The following MGST1 variants were observed in gnomAD, a reference collection of about 807,000 sequenced individuals.
The protein encoded by MGST1 is microsomal glutathione S-transferase 1.
In MGST1, 5 loss-of-function variants were observed where a neutral mutation model predicts 8.9. The ratio of observed to expected loss-of-function variants is 0.56; its 90% CI spans 0.29 to 1.19. The LOEUF (loss-of-function observed/expected upper bound fraction) is 1.19, where lower values mean the gene tolerates loss of function less well. Among genes scored for constraint, MGST1 ranks in the 50% most tolerant of loss-of-function variants. The pLI is 0.08. For synonymous variants in MGST1, 54 were observed against 67.8 expected, an observed-to-expected ratio of 0.80 and a Z score of 1.00; for missense variants, 182 against 187.4, an observed-to-expected ratio of 0.97 and a Z score of 0.17.
intron 1 of MGST1, among the ~76,000 whole-genome samples, chr12:16,387,220 C>A (rs1334526923): frequency 6.6e-5 from 10 of 152,086 alleles, no homozygotes; most frequent in African/African-American, 2.4e-4. Context: ...CACAGTCATG[C>A]ATTGCATAAT....
At chr12:16,552,723 A>T (rs1942036007) in intron 4 of MGST1, among the ~76,000 whole-genome samples, 1 of 152,102 alleles carries the variant, frequency 6.6e-6, no homozygotes, top group Admixed American at 6.5e-5. Flanking sequence ...CTATGCACTG[A>T]TCTTGAAATC....
chr12:16,385,838 TAC>T (rs1940500012), intron 1 of MGST1, among the ~76,000 whole-genome samples: 2 of 152,242 alleles, frequency 1.3e-5, no homozygotes, highest in South Asian at 4.1e-4. Flanking sequence ...TTTTAATACA[TAC>T]AGTTTCTTTT....
Position 16,362,119 on chromosome 12 carries a change from C to T in MGST1, c.222-1676C>T, listed in dbSNP as rs930660665. 2.0e-5 allele frequency among the ~76,000 whole-genome samples: 3 copies of T among 152,110 alleles called. No homozygotes were observed. Among genetic ancestry groups the T allele is most frequent in the African/African-American group, 4.8e-5 (2 of 41,410 alleles). ...CTAACGTGCCTAAGATTGGAGGTGA[C>T]GATATCTCTGTGATGCTGGGGGAGA... On this transcript the variant is annotated intron_variant, in intron 3 of 3. Transcript: ENST00000396210. The surrounding 1 kb of genome is among the most constrained non-coding windows in gnomAD (Gnocchi z 4.4).
intron 1 of MGST1, among the ~76,000 whole-genome samples, chr12:16,426,981 A>AT (rs1940896173): frequency 6.6e-6 from 1 of 151,850 alleles, no homozygotes; most frequent in African/African-American, 2.4e-5. Context: ...AAAAAAAAAA[A>AT]AAAAAAGCTG....
intron 3 of MGST1, among the ~76,000 whole-genome samples, chr12:16,359,764 C>T (rs2136972654): frequency 6.6e-6 from 1 of 152,236 alleles, no homozygotes; most frequent in African/African-American, 2.4e-5. Context: ...TAAAATTGCC[C>T]AGAACTGGAA....
chr12:16,490,036 A>C (rs1055081600), intron 4 of MGST1, among the ~76,000 whole-genome samples: 1 of 152,134 alleles, frequency 6.6e-6, no homozygotes, highest in Non-Finnish European at 1.5e-5. Flanking sequence ...CCTAGGTGGG[A>C]AAATCTCTTG....
chr12:16,489,093 G>C (rs543536626), intron 4 of MGST1, among the ~76,000 whole-genome samples: 97 of 152,110 alleles, frequency 6.4e-4, no homozygotes, highest in African/African-American at 2.3e-3. Context: ...CTGGGTGACA[G>C]AGCAAGATCA....
At chr12:16,367,881 G>A (rs1455393672), downstream of MGST1, among the ~76,000 whole-genome samples, 1 of 125,184 alleles carries the variant, frequency 8.0e-6, no homozygotes, top group Non-Finnish European at 1.5e-5. Context: ...GCTTGGATAG[G>A]TATAGTCAAT....
At chr12:16,440,727 G>T (rs1175747159), downstream of MGST1, among the ~76,000 whole-genome samples, 3 of 151,908 alleles carry the variant, frequency 2.0e-5, no homozygotes, top group South Asian at 4.1e-4. Flanking sequence ...ATTATTGTTT[G>T]TGGACTTTAT....
intron 1 of MGST1, among the ~76,000 whole-genome samples, chr12:16,350,160 A>G (rs538242997): frequency 3.9e-5 from 6 of 152,186 alleles, no homozygotes; most frequent in Middle Eastern, 3.4e-3. Context: ...AGTTACACTT[A>G]CTAAGTGGCA....
chr12:16,367,833 G>T (rs1051880015), downstream of MGST1, among the ~76,000 whole-genome samples: 3 of 142,584 alleles, frequency 2.1e-5, no homozygotes, highest in Non-Finnish European at 3.0e-5. Flanking sequence ...GACTAGCAAG[G>T]CCAAGTCTGA....
At position 16,354,274 on chromosome 12, in the gene MGST1, A is replaced by G. The variant is rs748769732; in HGVS notation, c.22A>G (p.Met8Val). Residue 8 changes from methionine (M) to valine (V), a missense_variant, in exon 2 of 4, where the codon ATG becomes GTG. Transcript: ENST00000396210. MVDLTQV[M>V]DDEVFMAFAS... Reference sequence around the variant, plus strand: ...AAAAATGGTTGACCTCACCCAGGTAATGGATGATGAAGTATTCATGGCTTT... The same window carrying G: ...AAAAATGGTTGACCTCACCCAGGTAGTGGATGATGAAGTATTCATGGCTTT... The G allele has an allele frequency of 1.9e-6, 3 of 1,602,658 alleles. No homozygotes were observed. Among genetic ancestry groups the G allele is most frequent in the South Asian group, 2.3e-5 (2 of 86,876 alleles).
intron 1 of MGST1, among the ~76,000 whole-genome samples, chr12:16,387,313 T>G (rs559056646): frequency 6.6e-6 from 1 of 152,260 alleles, no homozygotes; most frequent in East Asian, 1.9e-4. Flanking sequence ...TATCACCTAG[T>G]GATGTCATAG....
intron 4 of MGST1, among the ~76,000 whole-genome samples, chr12:16,523,500 T>C (rs1273203340): frequency 6.6e-6 from 1 of 152,078 alleles, no homozygotes; most frequent in Non-Finnish European, 1.5e-5. Flanking sequence ...CACAGTGCAA[T>C]CACTGATGTA....
At chr12:16,381,573 T>A (rs1327449457), downstream of MGST1, among the ~76,000 whole-genome samples, 1 of 152,214 alleles carries the variant, frequency 6.6e-6, no homozygotes, top group Non-Finnish European at 1.5e-5. Context: ...GCTCTTAACA[T>A]TTTTTCCTTC....
In MGST1 at chr12:16,586,384, G is replaced by C. The variant is rs370334427; in HGVS notation, n.483-3144G>C. On this transcript the variant is annotated intron_variant and non_coding_transcript_variant, in intron 4 of 4. Coordinates refer to the MGST1 transcript ENST00000538857. The surrounding 1 kb of genome is among the most constrained non-coding windows in gnomAD (Gnocchi z 4.3). ...AACCACTGCATGGCTGTGGCAAGGA[G>C]AGCGGAGGATCCTAATCTTCCCCAG... Among the ~76,000 whole-genome samples, 1 of 152,258 alleles carries C rather than the reference G, an allele frequency of 6.6e-6. No individual in the cohort carries two copies. Among genetic ancestry groups the C allele is most frequent in the Non-Finnish European group, 1.5e-5 (1 of 68,018 alleles).
intron 4 of MGST1, among the ~76,000 whole-genome samples, chr12:16,498,850 A>G (rs1457529017): frequency 6.6e-6 from 1 of 152,196 alleles, no homozygotes; most frequent in Non-Finnish European, 1.5e-5. Context: ...TGGGTGTTAT[A>G]CTATTGACAA....
In MGST1 at chr12:16,364,342, T is replaced by C. The variant is rs1025509068; in HGVS notation, c.*301T>C. ...CCTCACTTTTGAATCTATAAAAGAATTGCACGTATGAGAAACCTATATTTC... is the reference window on the plus strand; with the variant it reads ...CCTCACTTTTGAATCTATAAAAGAACTGCACGTATGAGAAACCTATATTTC... On this transcript the variant is annotated 3_prime_UTR_variant, in exon 4 of 4. Coordinates refer to ENST00000396210, the MANE Select transcript of MGST1 (RefSeq NM_020300.5). This position sits in a 1 kb window ranked among gnomAD's most constrained non-coding sequence, Gnocchi z 5.7. 3 of 1,037,618 alleles carry C rather than the reference T, an allele frequency of 2.9e-6. No homozygotes were observed. Among genetic ancestry groups the C allele is most frequent in the African/African-American group, 1.7e-5 (1 of 59,528 alleles). The allele number at this position is 1,037,618 out of a possible 1,614,324, so 64.3% of individuals were successfully genotyped here.
At chr12:16,489,440 G>C (rs1941422860) in intron 4 of MGST1, among the ~76,000 whole-genome samples, 1 of 152,052 alleles carries the variant, frequency 6.6e-6, no homozygotes, top group Non-Finnish European at 1.5e-5. Context: ...CTCATAATGG[G>C]ATATCTGGGT....
Sources: gnomAD v4.1 joint callset for allele counts (sites outside exome capture counted in the v4.1 genomes callset) on GRCh38, gnomAD v4.1.1 for gene constraint, Gnocchi (gnomAD v3.1) non-coding constraint, MANE v1.5 for transcripts, NCBI Gene and HGNC (gene_info 2026-07-23, HGNC 2026-07-21) for gene names.